BCL2: variants seen among roughly 807,000 people sequenced by gnomAD.
BCL2 encodes the protein apoptosis regulator Bcl-2.
In BCL2, 1 loss-of-function variant was observed where a neutral mutation model predicts 14.2. That is an observed-to-expected ratio of 0.07 (90% CI 0.02 to 0.33). BCL2 has a LOEUF of 0.33. Among genes scored for constraint, BCL2 ranks in the 10% least tolerant of loss-of-function variants. BCL2 has a pLI of 0.99. For missense variants in BCL2, 247 were observed against 305.9 expected (o/e 0.81, Z 1.44); for synonymous variants, 151 against 137.2 (o/e 1.10, Z -0.70).
rs1315815325 is a variant in BCL2 at position 63,126,290 on chromosome 18, C to T, written c.*2335G>A. On this transcript the variant is annotated 3_prime_UTR_variant, in exon 3 of 3. Transcript: ENST00000333681. ...AGCACCACTGCATTTCAGGAAGACC[C>T]TGAAGGACAGCCATGAGAAAGCCCC... The T allele has an allele frequency of 4.5e-5, 10 of 221,452 alleles. No homozygotes were observed. Among genetic ancestry groups the T allele is most frequent in the Non-Finnish European group, 6.3e-5 (7 of 110,270 alleles). 13.7% of individuals were successfully genotyped at this position (221,452 alleles called of 1,614,324 possible).
chr18:63,186,902 T>G (rs1387401440), intron 2 of BCL2, among the ~76,000 whole-genome samples: 1 of 152,248 alleles, frequency 6.6e-6, no homozygotes, highest in Non-Finnish European at 1.5e-5. Flanking sequence ...CATTTGATGT[T>G]TTTGTCCTGA....
intron 2 of BCL2, among the ~76,000 whole-genome samples, chr18:63,206,160 G>C (rs774642190): frequency 1.3e-5 from 2 of 152,198 alleles, no homozygotes; most frequent in Non-Finnish European, 2.9e-5. Flanking sequence ...GGATGTGCTC[G>C]GTAAGTGTGC....
intron 2 of BCL2, among the ~76,000 whole-genome samples, chr18:63,244,616 A>T (rs1911104372): frequency 6.6e-6 from 1 of 152,162 alleles, no homozygotes; most frequent in South Asian, 2.1e-4. Context: ...CCTTATCAGT[A>T]TGTCTAGAAT....
At chr18:63,237,894 G>A (rs943798026) in intron 2 of BCL2, among the ~76,000 whole-genome samples, 2 of 151,748 alleles carry the variant, frequency 1.3e-5, no homozygotes, top group Admixed American at 6.6e-5. Flanking sequence ...ACCCTTGGCC[G>A]CATTTCATCA....
intron 2 of BCL2, among the ~76,000 whole-genome samples, chr18:63,236,114 A>G (rs1319385461): frequency 6.6e-6 from 1 of 152,126 alleles, no homozygotes; most frequent in Non-Finnish European, 1.5e-5. Flanking sequence ...TGGTTTTATA[A>G]ATGGGAGTTC....
rs536191435 is a variant in BCL2 at position 63,255,383 on chromosome 18, G to T, written c.585+62699C>A. 7.7e-4 allele frequency among the ~76,000 whole-genome samples: 117 copies of T among 152,228 alleles called. 1 individual carries two copies. The highest frequency in any genetic ancestry group is 2.7e-3 in the African/African-American group (111 of 41,540). ...TCTGGGGACTGGCCTATGTCCCAGG[G>T]GCTCAAAAGCATCACCACCTTCATT... On this transcript the variant is annotated intron_variant, in intron 2 of 2. Transcript: ENST00000333681.
At chr18:63,183,458 C>A (rs2144644161) in intron 2 of BCL2, among the ~76,000 whole-genome samples, 1 of 152,318 alleles carries the variant, frequency 6.6e-6, no homozygotes, top group East Asian at 1.9e-4. Context: ...AGGACTTGCT[C>A]TCCCCATGGG....
intron 2 of BCL2, among the ~76,000 whole-genome samples, chr18:63,134,712 G>A (rs1914164728): frequency 1.3e-5 from 2 of 152,196 alleles, no homozygotes; most frequent in Non-Finnish European, 2.9e-5. Flanking sequence ...GAGAGGTAAT[G>A]CCTCTATGTG....
rs113207678 is a variant in BCL2 at position 63,127,043 on chromosome 18, T to C, written c.*1582A>G. On this transcript the variant is annotated 3_prime_UTR_variant, in exon 3 of 3. Coordinates refer to ENST00000333681, the MANE Select transcript of BCL2 (RefSeq NM_000633.3). ...TAGTTCCCCACCATTGATTTTTTTT[T>C]TAATGCCCCAGGATGTACAGATAAC... 5.7e-5 allele frequency: 13 copies of C among 228,528 alleles called. No homozygotes were observed. Among genetic ancestry groups the C allele is most frequent in the African/African-American group, 2.7e-4 (12 of 45,168 alleles). The allele number at this position is 228,528 out of a possible 1,614,324, so 14.2% of individuals were successfully genotyped here. A position where few individuals can be genotyped will look rare whatever the true frequency, so the allele number is the denominator to read the frequency against.
intron 2 of BCL2, among the ~76,000 whole-genome samples, chr18:63,229,414 C>T (rs894668907): frequency 5.3e-5 from 8 of 152,076 alleles, no homozygotes; most frequent in Non-Finnish European, 1.2e-4. Context: ...GAGTATTTGT[C>T]CCCCCGAATC....
At chr18:63,259,759 G>A (rs552184041) in intron 2 of BCL2, among the ~76,000 whole-genome samples, 1 of 152,326 alleles carries the variant, frequency 6.6e-6, no homozygotes, top group South Asian at 2.1e-4. Context: ...TGGGAATTAC[G>A]CCAATGAGAA....
At chr18:63,227,296 A>G (rs1876824625) in intron 2 of BCL2, among the ~76,000 whole-genome samples, 1 of 152,214 alleles carries the variant, frequency 6.6e-6, no homozygotes, top group African/African-American at 2.4e-5. Flanking sequence ...CAAATCCTTA[A>G]TGAAATAGCT....
intron 2 of BCL2, chr18:63,314,603 A>G (rs1222133980): frequency 2.0e-5 from 3 of 152,218 alleles, no homozygotes; most frequent in African/African-American, 7.2e-5. Context: ...ATGAAGCTGA[A>G]TGTCGTCACA....
chr18:63,181,006 T>C (rs1188546868), intron 2 of BCL2, among the ~76,000 whole-genome samples: 1 of 152,282 alleles, frequency 6.6e-6, no homozygotes, highest in East Asian at 1.9e-4. Flanking sequence ...CAAATATTAA[T>C]GTGGAGAAGA....
chr18:63,294,657 G>C (rs1367801735), intron 2 of BCL2, among the ~76,000 whole-genome samples: 1 of 151,788 alleles, frequency 6.6e-6, no homozygotes, highest in Non-Finnish European at 1.5e-5. Context: ...GCGACAGAGT[G>C]AGAATCCGCC....
At chr18:63,268,067 T>C (rs758630286) in intron 2 of BCL2, among the ~76,000 whole-genome samples, 2 of 152,260 alleles carry the variant, frequency 1.3e-5, no homozygotes, top group African/African-American at 2.4e-5. Flanking sequence ...TTTTCACGCA[T>C]GGCGGAAGCC....
At chr18:63,203,689 C>T (rs1909760826) in intron 2 of BCL2, among the ~76,000 whole-genome samples, 1 of 151,286 alleles carries the variant, frequency 6.6e-6, no homozygotes, top group Non-Finnish European at 1.5e-5. Context: ...TGCACACGCA[C>T]ACACACACAC....
At chr18:63,254,383 TAAAAAAAAA>T (rs71162613) in intron 2 of BCL2, among the ~76,000 whole-genome samples, 25 of 38,414 alleles carry the variant, frequency 6.5e-4, no homozygotes, top group African/African-American at 2.2e-3. Context: ...CTGTCTTTGC[TAAAAAAAAA>T]AAAAAAAAAA....
chr18:63,273,181 GC>G (rs1307353381), intron 2 of BCL2, among the ~76,000 whole-genome samples: 1 of 152,204 alleles, frequency 6.6e-6, no homozygotes, highest in African/African-American at 2.4e-5. Flanking sequence ...CATGAGTGGG[GC>G]TAACGCCAGG....
Sources: allele counts gnomAD v4.1 joint callset (sites outside exome capture counted in the v4.1 genomes callset), GRCh38; gene constraint gnomAD v4.1.1; transcripts MANE v1.5; gene names NCBI Gene and HGNC (gene_info 2026-07-23, HGNC 2026-07-21).